CBFA2T3: variants seen among roughly 807,000 people sequenced by gnomAD.
CBFA2T3 encodes the protein transcriptional corepressor CBFA2T3.
CBFA2T3 carries 31 observed loss-of-function variants against 58.6 expected under a neutral mutation model. The observed-to-expected ratio is 0.53, with a 90% CI of 0.40 to 0.71. The LOEUF (loss-of-function observed/expected upper bound fraction) is 0.71. Among genes scored for constraint, CBFA2T3 ranks in the 30% least tolerant of loss-of-function variants. The pLI, the probability that CBFA2T3 is intolerant of heterozygous loss-of-function variation, is 0.00. For missense variants in CBFA2T3, 1,076 were observed against 963.1 expected (o/e 1.12, Z -1.55); for synonymous variants, 531 against 421.9 (o/e 1.26, Z -3.17).
In CBFA2T3 at chr16:88,885,024, C is replaced by A. The variant is rs1277980020; in HGVS notation, c.1117+22G>T. 3.2e-6 allele frequency: 5 copies of A among 1,563,838 alleles called. No homozygotes were observed. The South Asian group carries it at 5.7e-5, about 18-fold the overall frequency. ...TGCTCCTGTAACACGCGTCCACGCT[C>A]CCGCCCCACCGGGCTGCTCACCAAG... On this transcript the variant is annotated intron_variant, in intron 7 of 11. Coordinates refer to ENST00000268679, the MANE Select transcript of CBFA2T3 (RefSeq NM_005187.6). This position sits in a 1 kb window ranked among gnomAD's most constrained non-coding sequence, Gnocchi z 5.3.
At position 88,922,955 on chromosome 16, in the gene CBFA2T3, G is replaced by T. The variant is rs188060946; in HGVS notation, c.152-21299C>A. ...GGGCAGCAAAGGCCCAGAGAGGAAG[G>T]AACTGCTCAAGGTGCACAGCGGACG... is the stretch of plus-strand genomic sequence containing the variant. On this transcript the variant is annotated intron_variant, in intron 1 of 11. Coordinates refer to ENST00000268679, the MANE Select transcript of CBFA2T3 (RefSeq NM_005187.6). Among the ~76,000 whole-genome samples the T allele has an allele frequency of 9.4e-3, 1,428 of 152,324 alleles. 12 individuals carry two copies. Among genetic ancestry groups the T allele is most frequent in the Non-Finnish European group, 0.013 (910 of 68,026 alleles).
chr16:88,902,864 C>T (rs1055780211), intron 1 of CBFA2T3, among the ~76,000 whole-genome samples: 9 of 152,138 alleles, frequency 5.9e-5, no homozygotes, highest in African/African-American at 1.9e-4. Flanking sequence ...GTCTCACCCA[C>T]GACTGCCCCG....
Position 88,933,306 on chromosome 16 carries a change from A to G in CBFA2T3, c.152-31650T>C, listed in dbSNP as rs55699654. ...GCCTCTGCACACGTCACGTGCCTCT[A>G]TACGCCTCACACGCCTCACAGTGCC... On this transcript the variant is annotated intron_variant, in intron 1 of 11. Transcript: ENST00000268679. 3.1e-3 allele frequency among the ~76,000 whole-genome samples: 461 copies of G among 146,762 alleles called. 1 individual carries two copies. The highest frequency in any genetic ancestry group is 0.011 in the African/African-American group (427 of 39,632).
chr16:88,877,048 T>C lies in CBFA2T3; in HGVS notation c.1890A>G (p.Glu630=). Residue 630 remains glutamate, a synonymous_variant, in exon 12 of 12, where the codon GAA becomes GAG. Transcript: ENST00000268679. ...SLPVGAASPS[E]AGSAGPSRPG... is the part of the protein sequence containing the mutation. ...GGCGAGAAGGCCCCGCAGAGCCGGC[T>C]TCGCTGGGGCTGGCAGCACCCACAG... 1 of 1,516,236 alleles carries C rather than the reference T, an allele frequency of 6.6e-7. No individual in the cohort carries two copies. The highest frequency in any genetic ancestry group is 2.5e-5 in the East Asian group (1 of 40,064). The allele number at this position is 1,516,236 out of a possible 1,614,324, so 93.9% of individuals were successfully genotyped here.
intron 5 of CBFA2T3, among the ~76,000 whole-genome samples, chr16:88,890,336 G>C (rs1969578537): frequency 1.3e-5 from 2 of 152,240 alleles, no homozygotes; most frequent in African/African-American, 4.8e-5. Context: ...CAGCTGCTAA[G>C]TGGCAGGCTC....
chr16:88,956,327 C>T (rs1417302038), intron 1 of CBFA2T3, among the ~76,000 whole-genome samples: 1 of 152,248 alleles, frequency 6.6e-6, no homozygotes, highest in Non-Finnish European at 1.5e-5. Context: ...CCAGGGTGGG[C>T]GGGAGACCTT....
intron 1 of CBFA2T3, among the ~76,000 whole-genome samples, chr16:88,903,641 G>T (rs1260185964): frequency 2.1e-5 from 3 of 144,688 alleles, no homozygotes. Context: ...GTGTTCCTGT[G>T]GTGGGGGTGT....
chr16:88,951,469 T>TAAG (rs1463358014), intron 1 of CBFA2T3: 1 of 377,352 alleles, frequency 2.7e-6, no homozygotes, highest in Non-Finnish European at 5.2e-6. Context: ...AATTTTCCTA[T>TAAG]AAGTATTTTT....
At position 88,903,804 on chromosome 16, in the gene CBFA2T3, C is replaced by T. The variant is rs554209161; in HGVS notation, c.152-2148G>A. Among the ~76,000 whole-genome samples the T allele has an allele frequency of 7.2e-5, 11 of 152,214 alleles. No homozygotes were observed. In the South Asian group the frequency reaches 1.7e-3, roughly 23 times the overall value. On this transcript the variant is annotated intron_variant, in intron 1 of 11. Coordinates refer to ENST00000268679, the MANE Select transcript of CBFA2T3 (RefSeq NM_005187.6). ...CAGGGATGTGGCCGAGAGCTTCAAA[C>T]GCCAGGCTGGCTCGGGGGACACAGG...
At chr16:88,968,169 G>T (rs1485010055) in intron 1 of CBFA2T3, among the ~76,000 whole-genome samples, 1 of 152,214 alleles carries the variant, frequency 6.6e-6, no homozygotes, top group Non-Finnish European at 1.5e-5. Flanking sequence ...GGCACGCCCT[G>T]GTGAGAGGCC....
intron 1 of CBFA2T3, among the ~76,000 whole-genome samples, chr16:88,902,219 G>C (rs1970126539): frequency 6.6e-6 from 1 of 152,150 alleles, no homozygotes; most frequent in Non-Finnish European, 1.5e-5. Flanking sequence ...GACGGTGTCT[G>C]CCCAGGGAGA....
chr16:88,877,519 T>G (rs955442014), intron 11 of CBFA2T3, among the ~76,000 whole-genome samples: 1 of 152,140 alleles, frequency 6.6e-6, no homozygotes, highest in African/African-American at 2.4e-5. Flanking sequence ...CTGTGCTAAC[T>G]GGACAACGAC....
intron 1 of CBFA2T3, among the ~76,000 whole-genome samples, chr16:88,907,558 G>A (rs371995004): frequency 5.3e-5 from 8 of 152,216 alleles, no homozygotes; most frequent in African/African-American, 1.4e-4. Context: ...TCTATCTTAC[G>A]AGTGGGGAAA....
Position 88,906,978 on chromosome 16 carries a change from G to T in CBFA2T3, c.152-5322C>A, listed in dbSNP as rs529792998. ...TACTGGAGGCTGGGGTGGGTGGCCC[G>T]TCACCATACAGGGTCTGGGGTAGCA... On this transcript the variant is annotated intron_variant, in intron 1 of 11. Coordinates refer to ENST00000268679, the MANE Select transcript of CBFA2T3 (RefSeq NM_005187.6). 2.0e-5 allele frequency among the ~76,000 whole-genome samples: 3 copies of T among 151,280 alleles called. No homozygotes were observed. The East Asian group carries it at 6.0e-4, about 30-fold the overall frequency.
At chr16:88,951,198 T>A in intron 1 of CBFA2T3, 1 of 386,798 alleles carries the variant, frequency 2.6e-6, no homozygotes, top group Non-Finnish European at 5.2e-6. Context: ...GTCTTCCGGA[T>A]CTGTTCACCC....
In CBFA2T3 at chr16:88,976,844, G is replaced by A; in HGVS notation, c.-37C>T. 6.5e-7 allele frequency: 1 copy of A among 1,530,088 alleles called. No individual in the cohort carries two copies. The highest frequency in any genetic ancestry group is 8.8e-7 in the Non-Finnish European group (1 of 1,130,880). 94.8% of individuals were successfully genotyped at this position (1,530,088 alleles called of 1,614,324 possible). On this transcript the variant is annotated 5_prime_UTR_variant, in exon 1 of 12. Coordinates refer to ENST00000268679, the MANE Select transcript of CBFA2T3 (RefSeq NM_005187.6). The stretch of plus-strand genomic sequence containing the variant: ...CCCTCAGGGGCCAACCTGGAGCCCA[G>A]GACAGGCCTCTACCAGGACTGCCTT...
chr16:88,896,568 T>G (rs528752298), intron 3 of CBFA2T3, among the ~76,000 whole-genome samples: 2 of 152,080 alleles, frequency 1.3e-5, no homozygotes, highest in African/African-American at 4.8e-5. Context: ...GTGAGCTCCA[T>G]GTGGCCACAC....
chr16:88,907,526 C>T (rs942792613), intron 1 of CBFA2T3, among the ~76,000 whole-genome samples: 10 of 151,360 alleles, frequency 6.6e-5, no homozygotes, highest in Admixed American at 2.6e-4. Context: ...GATTCTTCCG[C>T]GGCCCTGAGA....
chr16:88,876,638 A>G lies in CBFA2T3; in HGVS notation c.*338T>C. On this transcript the variant is annotated 3_prime_UTR_variant, in exon 12 of 12. Transcript: ENST00000268679. Reference sequence around the variant, plus strand: ...GAGGGGGAGAGACAGACAGAGAGGAAAAGAGAGGTGGGCAGAGCCGCCGCG... The same window carrying G: ...GAGGGGGAGAGACAGACAGAGAGGAGAAGAGAGGTGGGCAGAGCCGCCGCG... 1 of 309,168 alleles carries G rather than the reference A, an allele frequency of 3.2e-6. No homozygotes were observed. Among genetic ancestry groups the G allele is most frequent in the East Asian group, 5.0e-5 (1 of 20,128 alleles). The allele number at this position is 309,168 out of a possible 1,614,324, so 19.2% of individuals were successfully genotyped here.
Sources: gnomAD v4.1 joint callset for allele counts (sites outside exome capture counted in the v4.1 genomes callset) on GRCh38, gnomAD v4.1.1 for gene constraint, Gnocchi (gnomAD v3.1) non-coding constraint, MANE v1.5 for transcripts, NCBI Gene and HGNC (gene_info 2026-07-23, HGNC 2026-07-21) for gene names.